The following HES7 variants were observed in gnomAD, a reference collection of about 807,000 sequenced individuals.
The protein encoded by HES7 is hes family bHLH transcription factor 7.
A neutral mutation model predicts 18.0 loss-of-function variants in HES7; 8 were observed. The observed-to-expected ratio is 0.45, with a 90% CI of 0.26 to 0.80. The LOEUF (loss-of-function observed/expected upper bound fraction) is 0.80, where lower values mean the gene tolerates loss of function less well. HES7 is among the 30% of genes least tolerant of loss of function. The pLI is 0.18. For missense variants in HES7, 356 were observed against 340.9 expected (o/e 1.04, Z -0.35); for synonymous variants, 170 against 158.6 (o/e 1.07, Z -0.54).
At chr17:8,125,825 GTTTTC>G (rs1476988550), upstream of HES7, among the ~76,000 whole-genome samples, 2 of 152,200 alleles carry the variant, frequency 1.3e-5, no homozygotes, top group Admixed American at 6.5e-5. Context: ...CACGAGTACA[GTTTTC>G]TTTTCTCCCC....
In HES7 at chr17:8,121,136, T is replaced by C. The variant is rs1258727496; in HGVS notation, c.*435A>G. The C allele has an allele frequency of 1.9e-5, 3 of 161,220 alleles. No homozygotes were observed. The highest frequency in any genetic ancestry group is 6.5e-5 in the Admixed American group (1 of 15,490). The allele number at this position is 161,220 out of a possible 1,614,324, so 10.0% of individuals were successfully genotyped here. ...CGATCTCAGTTCCCGCTCTGCTCTCTTCTTTACTTACCTGTCTGCCCCGGG... is the reference window on the plus strand; with the variant it reads ...CGATCTCAGTTCCCGCTCTGCTCTCCTCTTTACTTACCTGTCTGCCCCGGG... On this transcript the variant is annotated 3_prime_UTR_variant, in exon 4 of 4. Coordinates refer to ENST00000541682, the MANE Select transcript of HES7 (RefSeq NM_001165967.2).
chr17:8,123,269 T>C lies in HES7; in HGVS notation c.43-143A>G, dbSNP rs575713548. On this transcript the variant is annotated intron_variant, in intron 1 of 3. Transcript: ENST00000541682. The surrounding 1 kb of genome is among the most constrained non-coding windows in gnomAD (Gnocchi z 5.9). ...ATTGCCTAGGGCCGGCCCCATTCGA[T>C]CCCTCTCCGCTCCCCCTCCCAATGC... The C allele has an allele frequency of 2.8e-5, 19 of 670,784 alleles. No individual in the cohort carries two copies. The South Asian group carries it at 2.8e-4, about 10-fold the overall frequency. 41.6% of individuals were successfully genotyped at this position (670,784 alleles called of 1,614,324 possible).
rs1487476347 is a variant in HES7 at position 8,121,113 on chromosome 17, A to G, written c.*458T>C. 1 of 153,938 alleles carries G rather than the reference A, an allele frequency of 6.5e-6. No individual in the cohort carries two copies. The highest frequency in any genetic ancestry group is 1.4e-5 in the Non-Finnish European group (1 of 69,780). 9.5% of individuals were successfully genotyped at this position (153,938 alleles called of 1,614,324 possible). A position where few individuals can be genotyped will look rare whatever the true frequency, so the allele number is the denominator to read the frequency against. On this transcript the variant is annotated 3_prime_UTR_variant, in exon 4 of 4. Transcript: ENST00000541682. ...CTCTTTCCACCTGGTTTCAATTTCG[A>G]TCTCAGTTCCCGCTCTGCTCTCTTC...
chr17:8,121,994 G>A lies in HES7; in HGVS notation c.270C>T (p.Ala90=). Residue 90 remains alanine (A), a synonymous_variant, in exon 4 of 4, where the codon GCC becomes GCT. Coordinates refer to ENST00000541682, the MANE Select transcript of HES7 (RefSeq NM_001165967.2). ...PGVPRSPVQD[A]EALASCYLSG... ...ACAAGTAGCAGCTGGCGAGCGCCTC[G>A]GCGTCCTGGACTGGGGACCGGGGAA... The A allele has an allele frequency of 6.5e-7, 1 of 1,530,440 alleles. No homozygotes were observed. The allele number at this position is 1,530,440 out of a possible 1,614,324, so 94.8% of individuals were successfully genotyped here.
chr17:8,122,010 G>T lies in HES7; in HGVS notation c.254C>A (p.Ser85Tyr). Reference sequence around the variant, plus strand: ...GAGCGCCTCGGCGTCCTGGACTGGGGACCGGGGAACCCCTGGAGCCGCGGC... The same window carrying T: ...GAGCGCCTCGGCGTCCTGGACTGGGTACCGGGGAACCCCTGGAGCCGCGGC... ...PAAAAPGVPR[S>Y]PVQDAEALAS... is the part of the protein sequence containing the mutation. Residue 85 changes from serine (S) to tyrosine (Y), a missense_variant, in exon 4 of 4, where the codon TCC becomes TAC. Transcript: ENST00000541682. The surrounding 1 kb of genome is among the most constrained non-coding windows in gnomAD (Gnocchi z 6.9). The T allele has an allele frequency of 6.6e-7, 1 of 1,525,098 alleles. No homozygotes were observed. The allele number at this position is 1,525,098 out of a possible 1,614,324, so 94.5% of individuals were successfully genotyped here.
At position 8,122,202 on chromosome 17, in the gene HES7, G is replaced by T. The variant is rs890859676; in HGVS notation, c.226+141C>A. ...GGGAGACACAGAGACAGACACGCGC[G>T]GGTGTTATTAACCTCGCCTCGGAGC... On this transcript the variant is annotated intron_variant, in intron 3 of 3. Transcript: ENST00000541682. The surrounding 1 kb of genome is among the most constrained non-coding windows in gnomAD (Gnocchi z 6.9). 1.1e-6 allele frequency: 1 copy of T among 902,120 alleles called. No individual in the cohort carries two copies. The highest frequency in any genetic ancestry group is 1.6e-5 in the South Asian group (1 of 61,332). 55.9% of individuals were successfully genotyped at this position (902,120 alleles called of 1,614,324 possible).
At position 8,123,889 on chromosome 17, in the gene HES7, T is replaced by G. The variant is rs1022441664; in HGVS notation, c.42+154A>C. ...GACCCCTGTCCCCTTCTTCATATTT[T>G]GCAGCTTCCTCTCCAGCTTCTGGCT... On this transcript the variant is annotated intron_variant, in intron 1 of 3. Coordinates refer to ENST00000541682, the MANE Select transcript of HES7 (RefSeq NM_001165967.2). This position sits in a 1 kb window ranked among gnomAD's most constrained non-coding sequence, Gnocchi z 5.9. Among the ~76,000 whole-genome samples, 3 of 152,184 alleles carry G rather than the reference T, an allele frequency of 2.0e-5. No individual in the cohort carries two copies. The highest frequency in any genetic ancestry group is 7.2e-5 in the African/African-American group (3 of 41,430).
upstream of HES7, among the ~76,000 whole-genome samples, chr17:8,125,333 A>G (rs1325382678): frequency 6.6e-6 from 1 of 152,148 alleles, no homozygotes; most frequent in Admixed American, 6.5e-5. Context: ...CTTTCTTGCC[A>G]TCATAGCCCG....
chr17:8,124,155 G>T, upstream of HES7: 1 of 1,591,302 alleles, frequency 6.3e-7, no homozygotes, highest in Non-Finnish European at 8.6e-7. Context: ...CCCAAGGGTA[G>T]GAGGGATAGG....
chr17:8,122,388 A>T lies in HES7; in HGVS notation c.181T>A (p.Phe61Ile). 1.3e-6 allele frequency: 2 copies of T among 1,598,298 alleles called. No homozygotes were observed. The highest frequency in any genetic ancestry group is 1.7e-6 in the Non-Finnish European group (2 of 1,172,956). ...PKLEKAEILE[F>I]AVGYLRERSR... ...CGCTCCCTCAAGTAGCCCACGGCGA[A>T]CTCCAATATCTCCGCTTTCTCCAGC... Residue 61 changes from phenylalanine to isoleucine, a missense_variant, in exon 3 of 4, where the codon TTC (phenylalanine) becomes ATC (isoleucine). Transcript: ENST00000541682. The surrounding 1 kb of genome is among the most constrained non-coding windows in gnomAD (Gnocchi z 6.9).
rs1205475048 is a variant in HES7, at chr17:8,122,104, G to GGCGCA, written c.227-72_227-68dup. ...CCGGCAGGGGTGAGGGAAGGGGCGG[G>GGCGCA]GCGCAGAGATACCAAGGCCGGACAG... On this transcript the variant is annotated intron_variant, in intron 3 of 3. Coordinates refer to ENST00000541682, the MANE Select transcript of HES7 (RefSeq NM_001165967.2). This position sits in a 1 kb window ranked among gnomAD's most constrained non-coding sequence, Gnocchi z 6.9. 2.0e-5 allele frequency: 28 copies of GGCGCA among 1,371,478 alleles called. No homozygotes were observed. Among genetic ancestry groups the GGCGCA allele is most frequent in the Admixed American group, 2.7e-5 (1 of 37,408 alleles). The allele number at this position is 1,371,478 out of a possible 1,614,324, so 85.0% of individuals were successfully genotyped here. A position where few individuals can be genotyped will look rare whatever the true frequency, so the allele number is the denominator to read the frequency against.
At chr17:8,125,491 C>T (rs990390995), upstream of HES7, among the ~76,000 whole-genome samples, 2 of 152,214 alleles carry the variant, frequency 1.3e-5, no homozygotes, top group Admixed American at 1.3e-4. Flanking sequence ...GGAACCTGGG[C>T]TCGGGCTGAA....
Position 8,121,461 on chromosome 17 carries a change from C to A in HES7, c.*110G>T. The A allele has an allele frequency of 1.1e-6, 1 of 925,898 alleles. No homozygotes were observed. Among genetic ancestry groups the A allele is most frequent in the Non-Finnish European group, 1.4e-6 (1 of 702,014 alleles). The allele number at this position is 925,898 out of a possible 1,614,324, so 57.4% of individuals were successfully genotyped here. A position where few individuals can be genotyped will look rare whatever the true frequency, so the allele number is the denominator to read the frequency against. On this transcript the variant is annotated 3_prime_UTR_variant, in exon 4 of 4. Transcript: ENST00000541682. ...TCACCCGCGCGCTGAGCCCGCGCGC[C>A]CCACTGCCCTCCCCAACACCTGCTC...
At chr17:8,125,774 G>T (rs779481719), upstream of HES7, among the ~76,000 whole-genome samples, 1 of 152,182 alleles carries the variant, frequency 6.6e-6, no homozygotes, top group African/African-American at 2.4e-5. Context: ...TAGAATTCTC[G>T]CCTGCCACGC....
Position 8,123,281 on chromosome 17 carries a change from C to T in HES7, c.43-155G>A, listed in dbSNP as rs1449818825. ...CGGCCCCATTCGATCCCTCTCCGCT[C>T]CCCCTCCCAATGCCCCTAGATCAGT... On this transcript the variant is annotated intron_variant, in intron 1 of 3. Coordinates refer to ENST00000541682, the MANE Select transcript of HES7 (RefSeq NM_001165967.2). This position sits in a 1 kb window ranked among gnomAD's most constrained non-coding sequence, Gnocchi z 5.9. The T allele has an allele frequency of 3.1e-6, 2 of 651,988 alleles. No individual in the cohort carries two copies. The highest frequency in any genetic ancestry group is 5.6e-6 in the Non-Finnish European group (2 of 359,500). 40.4% of individuals were successfully genotyped at this position (651,988 alleles called of 1,614,324 possible).
Position 8,121,363 on chromosome 17 carries a change from A to C in HES7, c.*208T>G. The C allele has an allele frequency of 2.5e-6, 1 of 397,140 alleles. No homozygotes were observed. Among genetic ancestry groups the C allele is most frequent in the Non-Finnish European group, 4.4e-6 (1 of 227,864 alleles). The allele number at this position is 397,140 out of a possible 1,614,324, so 24.6% of individuals were successfully genotyped here. ...AGTACAATCCTAGACGCAAGGGAGA[A>C]GTTGGGGCAGGGAAAAGGGACAGGA... On this transcript the variant is annotated 3_prime_UTR_variant, in exon 4 of 4. Coordinates refer to ENST00000541682, the MANE Select transcript of HES7 (RefSeq NM_001165967.2).
At chr17:8,126,592 G>A (rs1981614856), upstream of HES7, among the ~76,000 whole-genome samples, 1 of 152,204 alleles carries the variant, frequency 6.6e-6, no homozygotes, top group Non-Finnish European at 1.5e-5. Context: ...AGGGCGGGCG[G>A]GTGGGCGCAC....
At position 8,123,282 on chromosome 17, in the gene HES7, C is replaced by T; in HGVS notation, c.43-156G>A. 1 of 651,624 alleles carries T rather than the reference C, an allele frequency of 1.5e-6. No individual in the cohort carries two copies. The highest frequency in any genetic ancestry group is 2.8e-6 in the Non-Finnish European group (1 of 359,256). 40.4% of individuals were successfully genotyped at this position (651,624 alleles called of 1,614,324 possible). On this transcript the variant is annotated intron_variant, in intron 1 of 3. Coordinates refer to ENST00000541682, the MANE Select transcript of HES7 (RefSeq NM_001165967.2). This position sits in a 1 kb window ranked among gnomAD's most constrained non-coding sequence, Gnocchi z 5.9. ...GGCCCCATTCGATCCCTCTCCGCTC[C>T]CCCTCCCAATGCCCCTAGATCAGTT...
rs376704207 is a variant in HES7, at chr17:8,123,285, C to T, written c.43-159G>A. 1.9e-5 allele frequency: 12 copies of T among 646,606 alleles called. No individual in the cohort carries two copies. In the African/African-American group the frequency reaches 2.0e-4, roughly 11 times the overall value. The allele number at this position is 646,606 out of a possible 1,614,324, so 40.1% of individuals were successfully genotyped here. A position where few individuals can be genotyped will look rare whatever the true frequency, so the allele number is the denominator to read the frequency against. On this transcript the variant is annotated intron_variant, in intron 1 of 3. Coordinates refer to ENST00000541682, the MANE Select transcript of HES7 (RefSeq NM_001165967.2). The surrounding 1 kb of genome is among the most constrained non-coding windows in gnomAD (Gnocchi z 5.9). ...CCCATTCGATCCCTCTCCGCTCCCC[C>T]TCCCAATGCCCCTAGATCAGTTTCT...
Sources: allele counts gnomAD v4.1 joint callset (sites outside exome capture counted in the v4.1 genomes callset), GRCh38; gene constraint gnomAD v4.1.1; non-coding constraint Gnocchi (gnomAD v3.1); transcripts MANE v1.5; gene names NCBI Gene and HGNC (gene_info 2026-07-23, HGNC 2026-07-21).